CHRM3: variants seen among roughly 807,000 people sequenced by gnomAD.
CHRM3 encodes the protein cholinergic receptor muscarinic 3.
Under a neutral mutation model 41.8 loss-of-function variants are expected in CHRM3, and 11 were observed. The ratio of observed to expected loss-of-function variants is 0.26; its 90% CI spans 0.17 to 0.44. CHRM3 has a LOEUF of 0.44. CHRM3 is among the 20% of genes least tolerant of loss of function. CHRM3 has a pLI of 1.00. For missense variants in CHRM3, 571 were observed against 745.4 expected, an observed-to-expected ratio of 0.77 and a Z score of 2.72; for synonymous variants, 297 against 301.4, an observed-to-expected ratio of 0.99 and a Z score of 0.15.
intron 1 of CHRM3, among the ~76,000 whole-genome samples, chr1:239,393,994 A>T (rs939969749): frequency 5.3e-5 from 8 of 152,138 alleles, no homozygotes; most frequent in Admixed American, 5.2e-4. Flanking sequence ...ATATACATCC[A>T]TTATCACATC....
At chr1:239,750,651 G>A (rs1296270913) in intron 5 of CHRM3, among the ~76,000 whole-genome samples, 3 of 152,200 alleles carry the variant, frequency 2.0e-5, no homozygotes, top group East Asian at 3.9e-4. Context: ...AATCAAAGGC[G>A]GCCAACTGTT....
At chr1:239,483,116 A>G (rs1019141584) in intron 1 of CHRM3, among the ~76,000 whole-genome samples, 5 of 152,336 alleles carry the variant, frequency 3.3e-5, no homozygotes, top group East Asian at 3.9e-4. Context: ...TAATTTGAGG[A>G]CACTAGTTTA....
intron 2 of CHRM3, among the ~76,000 whole-genome samples, chr1:239,525,886 C>G (rs1218912178): frequency 6.6e-6 from 1 of 152,192 alleles, no homozygotes; most frequent in Admixed American, 6.5e-5. Flanking sequence ...AATTCAAGAA[C>G]TTTAAGAAAC....
intron 3 of CHRM3, chr1:239,605,900 G>C (rs539241003): frequency 2.6e-5 from 4 of 152,304 alleles, no homozygotes; most frequent in Admixed American, 2.6e-4. Flanking sequence ...TTTAGGTTCA[G>C]TTTCCAAGGG....
At chr1:239,891,032 C>T (rs946384847) in intron 6 of CHRM3, among the ~76,000 whole-genome samples, 1 of 152,168 alleles carries the variant, frequency 6.6e-6, no homozygotes, top group Non-Finnish European at 1.5e-5. Flanking sequence ...CACTGGTGAC[C>T]TAGGTGTACG....
At chr1:239,421,963 T>A (rs1661988137) in intron 1 of CHRM3, among the ~76,000 whole-genome samples, 1 of 152,172 alleles carries the variant, frequency 6.6e-6, no homozygotes, top group Non-Finnish European at 1.5e-5. Flanking sequence ...ATTGTAAGGC[T>A]CTCAGATGCA....
Position 239,418,016 on chromosome 1 carries a change from G to A in CHRM3, c.-521+30789G>A, listed in dbSNP as rs544989400. Reference sequence around the variant, plus strand: ...TTCAGATCGCTTAGACTGTAGTGCCGGGTCTTTTAACTCCATGTTTCGTAA... The same window carrying A: ...TTCAGATCGCTTAGACTGTAGTGCCAGGTCTTTTAACTCCATGTTTCGTAA... On this transcript the variant is annotated intron_variant, in intron 1 of 6. Transcript: ENST00000676153. 1.1e-4 allele frequency among the ~76,000 whole-genome samples: 17 copies of A among 152,188 alleles called. No homozygotes were observed. The South Asian group carries it at 1.2e-3, about 11-fold the overall frequency.
chr1:239,608,745 T>A (rs1263303815), intron 3 of CHRM3, among the ~76,000 whole-genome samples: 1 of 152,146 alleles, frequency 6.6e-6, no homozygotes, highest in Non-Finnish European at 1.5e-5. Context: ...AATGGCAAGT[T>A]TCAGCAAGAC....
intron 5 of CHRM3, among the ~76,000 whole-genome samples, chr1:239,796,514 G>A (rs140108572): frequency 3.7e-4 from 56 of 152,176 alleles, no homozygotes; most frequent in African/African-American, 1.3e-3. Flanking sequence ...AATCAGTTGG[G>A]TAGGCTTCAT....
intron 3 of CHRM3, among the ~76,000 whole-genome samples, chr1:239,611,697 G>A (rs910616950): frequency 6.6e-6 from 1 of 152,080 alleles, no homozygotes; most frequent in Non-Finnish European, 1.5e-5. Context: ...GGGATTACAG[G>A]CATGAGCCAC....
chr1:239,643,617 C>A lies in CHRM3; in HGVS notation c.-250+11331C>A, dbSNP rs148227014. Among the ~76,000 whole-genome samples the A allele has an allele frequency of 7.2e-3, 1,094 of 152,322 alleles. 7 individuals are homozygous for A. Among genetic ancestry groups the A allele is most frequent in the African/African-American group, 0.021 (882 of 41,580 alleles). ...CTGCTGTGCCCTTTTTTAAACCCGTCGGAAAAGTGCAGTATTCGGGTGGGA... is the reference window on the plus strand; with the variant it reads ...CTGCTGTGCCCTTTTTTAAACCCGTAGGAAAAGTGCAGTATTCGGGTGGGA... On this transcript the variant is annotated intron_variant, in intron 4 of 6. Coordinates refer to ENST00000676153, the MANE Select transcript of CHRM3 (RefSeq NM_001375978.1).
chr1:239,900,569 C>T (rs1679461221), intron 6 of CHRM3, among the ~76,000 whole-genome samples: 1 of 151,690 alleles, frequency 6.6e-6, no homozygotes. Context: ...GTTTCCTGGC[C>T]CTATAGGGAC....
At chr1:239,508,887 T>C (rs1558276721) in intron 2 of CHRM3, among the ~76,000 whole-genome samples, 1 of 152,202 alleles carries the variant, frequency 6.6e-6, no homozygotes, top group African/African-American at 2.4e-5. Flanking sequence ...TGTGAGATGA[T>C]AACTTGGAAA....
intron 3 of CHRM3, among the ~76,000 whole-genome samples, chr1:239,588,022 TG>T (rs1349901521): frequency 6.6e-6 from 1 of 152,228 alleles, no homozygotes; most frequent in Non-Finnish European, 1.5e-5. Context: ...GACCAATAGA[TG>T]AGCTACACAT....
rs548499600 is a variant in CHRM3, at chr1:239,911,116, T to C, written c.*1892T>C. 26 of 167,162 alleles carry C rather than the reference T, an allele frequency of 1.6e-4. No homozygotes were observed. The highest frequency in any genetic ancestry group is 6.0e-4 in the African/African-American group (25 of 41,558). The allele number at this position is 167,162 out of a possible 1,614,324, so 10.4% of individuals were successfully genotyped here. On this transcript the variant is annotated 3_prime_UTR_variant, in exon 7 of 7. Transcript: ENST00000676153. ...GAAGAAACATGTCATCCTGTTGGCA[T>C]CACCAAGCACCTAACTCTTTCTAGG...
At chr1:239,737,681 G>C (rs778699556) in intron 5 of CHRM3, among the ~76,000 whole-genome samples, 2 of 152,156 alleles carry the variant, frequency 1.3e-5, no homozygotes, top group Non-Finnish European at 2.9e-5. Flanking sequence ...ATGTTTTCCA[G>C]AGTTGGGATG....
Position 239,735,701 on chromosome 1 carries a change from GT to G in CHRM3, c.-147+57415del, listed in dbSNP as rs560861290. On this transcript the variant is annotated intron_variant, in intron 5 of 6. Coordinates refer to ENST00000676153, the MANE Select transcript of CHRM3 (RefSeq NM_001375978.1). ...CATTGCCTCTTGAGGGTTGATTTTG[GT>G]TCAATTAGTTTTCTTCTTTTGTCCT... Among the ~76,000 whole-genome samples, 28 of 152,196 alleles carry G rather than the reference GT, an allele frequency of 1.8e-4. No individual in the cohort carries two copies. In the South Asian group the frequency reaches 5.6e-3, roughly 30 times the overall value.
At chr1:239,882,899 T>C (rs1032366428) in intron 6 of CHRM3, among the ~76,000 whole-genome samples, 7 of 152,214 alleles carry the variant, frequency 4.6e-5, no homozygotes, top group Non-Finnish European at 8.8e-5. Context: ...GAAATTGACA[T>C]TGAGGGTGAT....
chr1:239,830,852 C>T (rs561071230), intron 6 of CHRM3, among the ~76,000 whole-genome samples: 19 of 152,306 alleles, frequency 1.2e-4, no homozygotes, highest in Non-Finnish European at 2.2e-4. Flanking sequence ...TACAGACTCT[C>T]ACCCCCCTGA....
Sources: gnomAD v4.1 joint callset for allele counts (sites outside exome capture counted in the v4.1 genomes callset) on GRCh38, gnomAD v4.1.1 for gene constraint, MANE v1.5 for transcripts, NCBI Gene and HGNC (gene_info 2026-07-23, HGNC 2026-07-21) for gene names.